The following HBS1L variants were observed in gnomAD, a reference collection of about 807,000 sequenced individuals.
HBS1L encodes the protein HBS1-like protein.
In HBS1L, 55 loss-of-function variants were observed where a neutral mutation model predicts 88.9. The ratio of observed to expected loss-of-function variants is 0.62; its 90% CI spans 0.50 to 0.77. The LOEUF (loss-of-function observed/expected upper bound fraction) is 0.77. Ranked by LOEUF, HBS1L falls within the 30% of genes least tolerant of loss-of-function variation. HBS1L has a pLI of 0.00. For missense variants in HBS1L, 741 were observed against 829.3 expected, an observed-to-expected ratio of 0.89 and a Z score of 1.31; for synonymous variants, 267 against 288.5, an observed-to-expected ratio of 0.93 and a Z score of 0.76.
At chr6:134,965,364 T>C (rs2114736234) in intron 17 of HBS1L, 74 bp from the exon 18 acceptor site, 1 of 1,053,868 alleles carries the variant, frequency 9.5e-7, no homozygotes, top group Admixed American at 2.2e-5. Flanking sequence ...AAAGGGAAAA[T>C]TATGGTGAAA....
chr6:134,966,392 T>G lies in HBS1L; in HGVS notation c.1980A>C (p.Lys660Asn). 6.2e-7 allele frequency: 1 copy of G among 1,613,330 alleles called. No individual in the cohort carries two copies. The highest frequency in any genetic ancestry group is 8.5e-7 in the Non-Finnish European group (1 of 1,179,442). ...AACGTAGCATGAACCTCCCCAGCTC[T>G]TTAAAGTCTTTATATAGCTCAAGAG... Reference protein sequence around the residue: ...PIALELYKDFKELGRFMLRYG... With the variant: ...PIALELYKDFNELGRFMLRYG... Residue 660 changes from lysine (K) to asparagine (N), a missense_variant, in exon 17 of 18, where the codon AAA becomes AAC. Physicochemically the swap from Lys to Asn is moderately conservative, Grantham distance 94. This residue lies in a region of HBS1L where 181 missense variants were observed against 212.7 expected (regional missense o/e 0.85). Coordinates refer to ENST00000367837, the MANE Select transcript of HBS1L (RefSeq NM_006620.4).
At chr6:135,040,334 G>A (rs1053040176) in intron 3 of HBS1L, among the ~76,000 whole-genome samples, 3 of 138,414 alleles carry the variant, frequency 2.2e-5, no homozygotes, top group Non-Finnish European at 3.1e-5. Flanking sequence ...TTAAGGGGAG[G>A]ATAGGCATTC....
intron 8 of HBS1L, among the ~76,000 whole-genome samples, chr6:134,988,051 T>C (rs1775027745): frequency 6.6e-6 from 1 of 151,656 alleles, no homozygotes; most frequent in Non-Finnish European, 1.5e-5. Context: ...GGAGGAAAAA[T>C]ATAAACAAAA....
rs1035980404 is a variant in HBS1L at position 135,035,963 on chromosome 6, A to T, written c.430+3610T>A. On this transcript the variant is annotated intron_variant, in intron 4 of 17. Transcript: ENST00000367837. ...ATATTAATCCAACTTCTATATTTAC[A>T]TGGTCCCTTAAAAGATTTTCATTTT... The T allele has an allele frequency of 1.6e-5, 10 of 607,564 alleles. No individual in the cohort carries two copies. In the Admixed American group the frequency reaches 1.9e-4, roughly 12 times the overall value. The allele number at this position is 607,564 out of a possible 1,614,324, so 37.6% of individuals were successfully genotyped here. A position where few individuals can be genotyped will look rare whatever the true frequency, so the allele number is the denominator to read the frequency against.
At chr6:135,031,580 G>A (rs1776385275) in intron 4 of HBS1L, among the ~76,000 whole-genome samples, 1 of 151,848 alleles carries the variant, frequency 6.6e-6, no homozygotes, top group African/African-American at 2.4e-5. Flanking sequence ...AACAAAGACG[G>A]GAAACAGAAG....
intron 2 of HBS1L, among the ~76,000 whole-genome samples, chr6:135,043,728 G>A (rs746063349): frequency 1.3e-5 from 2 of 152,166 alleles, no homozygotes; most frequent in Non-Finnish European, 2.9e-5. Flanking sequence ...AATTGAAGAG[G>A]TGGAAGAGAT....
At chr6:135,006,958 A>T (rs1360741318) in intron 4 of HBS1L, among the ~76,000 whole-genome samples, 1 of 152,194 alleles carries the variant, frequency 6.6e-6, no homozygotes, top group Non-Finnish European at 1.5e-5. Context: ...CCTTTATGAC[A>T]CTAATTCCAA....
intron 1 of HBS1L, among the ~76,000 whole-genome samples, chr6:135,051,884 C>A (rs1186081554): frequency 6.6e-6 from 1 of 152,306 alleles, no homozygotes; most frequent in Admixed American, 6.5e-5. Flanking sequence ...ACAGTGAACA[C>A]ATTTCCAGTT....
At chr6:134,977,598 T>C (rs1035586797) in intron 15 of HBS1L, among the ~76,000 whole-genome samples, 7 of 151,978 alleles carry the variant, frequency 4.6e-5, no homozygotes, top group Non-Finnish European at 8.8e-5. Context: ...CAAATTAATA[T>C]AGAAATAATT....
chr6:134,984,809 T>C (rs1374343088), intron 12 of HBS1L, among the ~76,000 whole-genome samples: 1 of 152,168 alleles, frequency 6.6e-6, no homozygotes, highest in Non-Finnish European at 1.5e-5. Flanking sequence ...AAAGTTTCTG[T>C]ATATCTTTTA....
chr6:135,040,783 CAG>C (rs1776710266), intron 3 of HBS1L, among the ~76,000 whole-genome samples: 2 of 152,044 alleles, frequency 1.3e-5, no homozygotes, highest in Non-Finnish European at 2.9e-5. Context: ...TCCATAAGAG[CAG>C]AGAGGCTTTG....
chr6:135,048,536 C>T (rs1562319610), intron 2 of HBS1L, among the ~76,000 whole-genome samples: 1 of 152,202 alleles, frequency 6.6e-6, no homozygotes, highest in African/African-American at 2.4e-5. Flanking sequence ...GAACCCTCTC[C>T]TCAAGGTCTA....
chr6:135,044,807 T>C (rs1460063270), intron 2 of HBS1L, among the ~76,000 whole-genome samples: 2 of 152,130 alleles, frequency 1.3e-5, no homozygotes, highest in South Asian at 2.1e-4. Context: ...GGGAGAAACC[T>C]AAGACAAATT....
intron 4 of HBS1L, among the ~76,000 whole-genome samples, chr6:135,018,885 C>A (rs191445974): frequency 1.7e-3 from 263 of 151,800 alleles, no homozygotes; most frequent in African/African-American, 6.1e-3. Flanking sequence ...CATTTATATC[C>A]CCATCCCTGG....
At chr6:135,015,731 G>A (rs972488918) in intron 4 of HBS1L, among the ~76,000 whole-genome samples, 2 of 150,408 alleles carry the variant, frequency 1.3e-5, no homozygotes, top group African/African-American at 4.9e-5. Flanking sequence ...ACAGGCACAC[G>A]CCATCACGCC....
intron 7 of HBS1L, among the ~76,000 whole-genome samples, chr6:134,994,688 C>A (rs1029826451): frequency 1.3e-5 from 2 of 152,096 alleles, no homozygotes; most frequent in Non-Finnish European, 2.9e-5. Context: ...CACATGAGAT[C>A]AGATGTAGAA....
rs112150644 is a variant in HBS1L at position 134,960,854 on chromosome 6, G to T, written c.*4425C>A. The T allele has an allele frequency of 6.6e-6, 1 of 151,984 alleles. No individual in the cohort carries two copies. The highest frequency in any genetic ancestry group is 6.6e-5 in the Admixed American group (1 of 15,250). The allele number at this position is 151,984 out of a possible 1,614,324, so 9.4% of individuals were successfully genotyped here. ...GCTTGGCACATGGTATACACCCAAC[G>T]GATCAGTTATTTTTGTCTCCCCAGT... On this transcript the variant is annotated 3_prime_UTR_variant, in exon 18 of 18. Transcript: ENST00000367837.
chr6:135,049,487 A>T (rs1373491983), intron 2 of HBS1L, among the ~76,000 whole-genome samples: 2 of 152,236 alleles, frequency 1.3e-5, no homozygotes, highest in South Asian at 2.1e-4. Flanking sequence ...AAACTTGTGA[A>T]AAATGAGTTT....
chr6:134,988,744 G>T (rs78335808), intron 8 of HBS1L, among the ~76,000 whole-genome samples: 2 of 151,868 alleles, frequency 1.3e-5, no homozygotes, highest in African/African-American at 2.4e-5. Context: ...CCTTCCAGGG[G>T]GTATTTTCAC....
Sources: allele counts gnomAD v4.1 joint callset (sites outside exome capture counted in the v4.1 genomes callset), GRCh38; gene constraint gnomAD v4.1.1; regional missense constraint gnomAD v4.1.1; transcripts MANE v1.5; gene names NCBI Gene and HGNC (gene_info 2026-07-23, HGNC 2026-07-21).